Variants in FSD2 observed in about 807,000 individuals in gnomAD.
FSD2 encodes fibronectin type III and SPRY domain-containing protein 2.
A neutral mutation model predicts 80.4 loss-of-function variants in FSD2; 71 were observed. The ratio of observed to expected loss-of-function variants is 0.88; its 90% CI spans 0.73 to 1.08. FSD2 has a LOEUF of 1.08. FSD2 is among the 50% of genes least tolerant of loss of function. The pLI is 0.00. For missense variants in FSD2, 923 were observed against 913.8 expected (o/e 1.01, Z -0.13); for synonymous variants, 361 against 329.5 (o/e 1.10, Z -1.03).
intron 1 of FSD2, among the ~76,000 whole-genome samples, chr15:82,790,478 G>A (rs2050114067): frequency 6.6e-6 from 1 of 152,048 alleles, no homozygotes; most frequent in African/African-American, 2.4e-5. Context: ...GCTTCTTGGA[G>A]AACGAGATTA....
chr15:82,805,111 T>C (rs1293481001), intron 1 of FSD2, among the ~76,000 whole-genome samples: 1 of 151,718 alleles, frequency 6.6e-6, no homozygotes, highest in East Asian at 1.9e-4. Context: ...GGTGTATCCC[T>C]GTGCATTACT....
rs758742023 is a variant in FSD2 at position 82,769,874 on chromosome 15, C to T, written c.1278G>A (p.Val426=). The T allele has an allele frequency of 6.2e-7, 1 of 1,613,784 alleles. No homozygotes were observed. Among genetic ancestry groups the T allele is most frequent in the Non-Finnish European group, 8.5e-7 (1 of 1,179,840 alleles). ...CTGAGCAATATGTTTCTTTGACAGT[C>T]ACTGTAAACTCTGGGGAAAAAAAAA... ...SPGTDQAEFT[V]TVKETYCSVT... Residue 426 remains valine, a synonymous_variant, in exon 8 of 13, where the codon GTG becomes GTA. Coordinates refer to ENST00000334574, the MANE Select transcript of FSD2 (RefSeq NM_001007122.4).
At chr15:82,761,147 A>G (rs966948548) in intron 12 of FSD2, among the ~76,000 whole-genome samples, 4 of 152,182 alleles carry the variant, frequency 2.6e-5, no homozygotes, top group Non-Finnish European at 4.4e-5. Flanking sequence ...TGTGTAAATA[A>G]CCATGATAGA....
At chr15:82,765,634 T>C (rs1434058647) in intron 10 of FSD2, among the ~76,000 whole-genome samples, 1 of 152,186 alleles carries the variant, frequency 6.6e-6, no homozygotes, top group Non-Finnish European at 1.5e-5. Flanking sequence ...GGCTGTGCTC[T>C]TTACCTCTAG....
chr15:82,791,038 A>T (rs1019296473), intron 1 of FSD2, among the ~76,000 whole-genome samples: 1 of 150,104 alleles, frequency 6.7e-6, no homozygotes, highest in East Asian at 2.0e-4. Context: ...TCGCTTTGTC[A>T]CCCAGGCTGG....
Position 82,787,044 on chromosome 15 carries a change from T to A in FSD2, c.347A>T (p.Glu116Val). The change falls in exon 2 of 13, where the codon GAG becomes GTG. Residue 116 changes from glutamate to valine, a missense_variant. Transcript: ENST00000334574. ...YMMKRRDPAR[E>V]QRDWRLSGEA... Reference sequence around the variant, plus strand: ...TCCACTAAGTCTCCAGTCTCTCTGCTCCCTGGCTGGGTCTCTCCTCTTCAT... The same window carrying A: ...TCCACTAAGTCTCCAGTCTCTCTGCACCCTGGCTGGGTCTCTCCTCTTCAT... 6.2e-7 allele frequency: 1 copy of A among 1,613,946 alleles called. No individual in the cohort carries two copies. Among genetic ancestry groups the A allele is most frequent in the Non-Finnish European group, 8.5e-7 (1 of 1,179,882 alleles).
At chr15:82,780,552 C>T (rs1195369682) in intron 4 of FSD2, among the ~76,000 whole-genome samples, 1 of 151,814 alleles carries the variant, frequency 6.6e-6, no homozygotes, top group African/African-American at 2.4e-5. Flanking sequence ...CCAGGCTGGT[C>T]TCGAACCCCT....
At chr15:82,805,358 T>G (rs3861905) in intron 1 of FSD2, among the ~76,000 whole-genome samples, 6 of 152,158 alleles carry the variant, frequency 3.9e-5, no homozygotes, top group Non-Finnish European at 7.3e-5. Context: ...ATTTTAGCTC[T>G]TCCATGCAGC....
At chr15:82,800,712 A>AAAAAAAAAAAAAAC (rs2050392598) in intron 1 of FSD2, among the ~76,000 whole-genome samples, 3 of 150,528 alleles carry the variant, frequency 2.0e-5, no homozygotes, top group Non-Finnish European at 4.4e-5. Flanking sequence ...AAAAAAAAAA[A>AAAAAAAAAAAAAAC]AGCCCCTCAG....
At chr15:82,780,116 T>C in intron 5 of FSD2, 129 bp downstream of exon 5, 1 of 647,352 alleles carries the variant, frequency 1.5e-6, no homozygotes, top group Non-Finnish European at 2.7e-6. Flanking sequence ...CCAAAGCCAG[T>C]GCTAATTTAA....
At chr15:82,800,714 G>A (rs1482109658) in intron 1 of FSD2, among the ~76,000 whole-genome samples, 712 of 51,514 alleles carry the variant, frequency 0.014, no homozygotes, top group Non-Finnish European at 0.018. Flanking sequence ...AAAAAAAAAA[G>A]CCCCTCAGTC....
At chr15:82,760,085 C>T (rs185160812) in intron 12 of FSD2, among the ~76,000 whole-genome samples, 119 of 152,360 alleles carry the variant, frequency 7.8e-4, no homozygotes, top group African/African-American at 2.7e-3. Context: ...TGAGCCACTG[C>T]TTCTGGCCGA....
Position 82,765,945 on chromosome 15 carries a change from A to G in FSD2, c.1640T>C (p.Met547Thr), listed in dbSNP as rs1309262909. The change falls in exon 10 of 13, where the codon ATG (methionine) becomes ACG (threonine). Residue 547 changes from methionine to threonine, a missense_variant. By Grantham distance (81) the Met-to-Thr change is moderately conservative (BLOSUM62 -1). Transcript: ENST00000334574. ...SYIIYVRALNMGGPSVRSEPA... is the reference protein window; with the variant it reads ...SYIIYVRALNTGGPSVRSEPA... ...CTCGCTCCTCACGCTGGGGCCCCCCATATTGAGGGCTCGCACATAGATAAT... is the reference window on the plus strand; with the variant it reads ...CTCGCTCCTCACGCTGGGGCCCCCCGTATTGAGGGCTCGCACATAGATAAT... The G allele has an allele frequency of 1.2e-6, 2 of 1,609,048 alleles. No homozygotes were observed. The highest frequency in any genetic ancestry group is 2.2e-5 in the East Asian group (1 of 44,780).
At chr15:82,770,475 T>A (rs978777758) in intron 7 of FSD2, among the ~76,000 whole-genome samples, 21 of 152,140 alleles carry the variant, frequency 1.4e-4, no homozygotes, top group African/African-American at 5.1e-4. Flanking sequence ...ATCGAGACCA[T>A]CCTGGCTAAC....
Position 82,787,488 on chromosome 15 carries a change from G to A in FSD2, c.-78-20C>T. Reference sequence around the variant, plus strand: ...TGGGCCCTGGAACACAAAAGGAGGAGGAAAATCATTTCTGGAGAAGGGCAT... The same window carrying A: ...TGGGCCCTGGAACACAAAAGGAGGAAGAAAATCATTTCTGGAGAAGGGCAT... On this transcript the variant is annotated intron_variant, in intron 1 of 12. Coordinates refer to ENST00000334574, the MANE Select transcript of FSD2 (RefSeq NM_001007122.4). 8.2e-7 allele frequency: 1 copy of A among 1,226,608 alleles called. No homozygotes were observed. Among genetic ancestry groups the A allele is most frequent in the Admixed American group, 2.4e-5 (1 of 41,272 alleles). 76.0% of individuals were successfully genotyped at this position (1,226,608 alleles called of 1,614,324 possible). A position where few individuals can be genotyped will look rare whatever the true frequency, so the allele number is the denominator to read the frequency against.
chr15:82,783,099 T>TTTTG, intron 3 of FSD2, 74 bp from the exon 4 acceptor site: 1 of 1,134,078 alleles, frequency 8.8e-7, no homozygotes, highest in Non-Finnish European at 1.3e-6. Flanking sequence ...TTTTTTGTTT[T>TTTTG]TTTGTTTGTT....
At chr15:82,766,828 A>G (rs758936037) in intron 9 of FSD2, among the ~76,000 whole-genome samples, 64 of 152,162 alleles carry the variant, frequency 4.2e-4, no homozygotes, top group Admixed American at 1.3e-4. Context: ...TAACCCCCTA[A>G]CAGCTGCCTA....
intron 4 of FSD2, 107 bp from the exon 5 acceptor site, chr15:82,780,374 C>T: frequency 1.3e-6 from 1 of 780,778 alleles, no homozygotes; most frequent in Non-Finnish European, 2.0e-6. Flanking sequence ...TCACTCTGTC[C>T]CCCAGGCTGG....
Position 82,787,002 on chromosome 15 carries a change from T to G in FSD2, c.389A>C (p.Glu130Ala), listed in dbSNP as rs757099047. Residue 130 changes from glutamate to alanine, a missense_variant, in exon 2 of 13, where the codon GAG becomes GCG. Physicochemically the swap from Glu to Ala is moderately radical, Grantham distance 107. Coordinates refer to ENST00000334574, the MANE Select transcript of FSD2 (RefSeq NM_001007122.4). Reference protein sequence around the residue: ...WRLSGEAAEAEDLGFGGWGSA... With the variant: ...WRLSGEAAEAADLGFGGWGSA... ...GCCCCACCCTCCGAAGCCCAGGTCCTCGGCCTCCGCTGCCTCTCCACTAAG... is the reference window on the plus strand; with the variant it reads ...GCCCCACCCTCCGAAGCCCAGGTCCGCGGCCTCCGCTGCCTCTCCACTAAG... 6.2e-7 allele frequency: 1 copy of G among 1,614,034 alleles called. No homozygotes were observed. The highest frequency in any genetic ancestry group is 1.1e-5 in the South Asian group (1 of 91,090).
Sources: gnomAD v4.1 joint callset for allele counts (sites outside exome capture counted in the v4.1 genomes callset) on GRCh38, gnomAD v4.1.1 for gene constraint, MANE v1.5 for transcripts, NCBI Gene and HGNC (gene_info 2026-07-23, HGNC 2026-07-21) for gene names.